MROH9: variants seen among roughly 807,000 people sequenced by gnomAD.
MROH9 encodes the protein maestro heat like repeat family member 9, also known as maestro heat-like repeat-containing protein family member 9.
Under a neutral mutation model 98.2 loss-of-function variants are expected in MROH9, and 92 were observed. That is an observed-to-expected ratio of 0.94 (90% CI 0.79 to 1.11). The LOEUF (loss-of-function observed/expected upper bound fraction) is 1.11. Among genes scored for constraint, MROH9 ranks in the 50% most tolerant of loss-of-function variants. MROH9 has a pLI of 0.00. For missense variants in MROH9, 1,057 were observed against 1,014.8 expected, an observed-to-expected ratio of 1.04 and a Z score of -0.57; for synonymous variants, 397 against 368.9, an observed-to-expected ratio of 1.08 and a Z score of -0.87.
chr1:171,048,106 G>A (rs1402445508), intron 20 of MROH9, among the ~76,000 whole-genome samples: 4 of 152,180 alleles, frequency 2.6e-5, no homozygotes, highest in Non-Finnish European at 5.9e-5. Context: ...GGGTCGACCT[G>A]AAGCCAGTAC....
intron 1 of MROH9, among the ~76,000 whole-genome samples, chr1:170,943,918 A>G (rs1308189372): frequency 6.6e-6 from 1 of 152,080 alleles, no homozygotes; most frequent in Non-Finnish European, 1.5e-5. Flanking sequence ...ATCTGTTTAC[A>G]TGAAGGGCTA....
chr1:170,987,450 C>G lies in MROH9; in HGVS notation c.879+740C>G, dbSNP rs368004876. ...TTCCTTACAACATAGGAAATAATGT[C>G]ATTAAATGTGTAAGCACATGCAGTG... On this transcript the variant is annotated intron_variant, in intron 10 of 21. Coordinates refer to ENST00000367759, the MANE Select transcript of MROH9 (RefSeq NM_001163629.2). 1.5e-4 allele frequency among the ~76,000 whole-genome samples: 23 copies of G among 152,304 alleles called. 1 individual carries two copies. The South Asian group carries it at 4.8e-3, about 32-fold the overall frequency.
chr1:171,064,164 A>G lies in MROH9; in HGVS notation c.2410A>G (p.Ile804Val), dbSNP rs1392540489. 1 of 1,551,170 alleles carries G rather than the reference A, an allele frequency of 6.4e-7. No homozygotes were observed. The highest frequency in any genetic ancestry group is 8.7e-7 in the Non-Finnish European group (1 of 1,146,868). Residue 804 changes from isoleucine to valine, a missense_variant, in exon 22 of 22, where the codon ATT (isoleucine) becomes GTT (valine). Physicochemically the swap from Ile to Val is conservative, Grantham distance 29. Coordinates refer to ENST00000367759, the MANE Select transcript of MROH9 (RefSeq NM_001163629.2). ...IKQLAEITYDIFKKKAHKLTS... is the reference protein window; with the variant it reads ...IKQLAEITYDVFKKKAHKLTS... The stretch of plus-strand genomic sequence containing the variant: ...ACAGTTGGCTGAAATAACCTATGAT[A>G]TTTTTAAGAAAAAAGCCCATAAACT...
At chr1:170,944,112 T>G (rs1649229395) in intron 1 of MROH9, among the ~76,000 whole-genome samples, 1 of 151,930 alleles carries the variant, frequency 6.6e-6, no homozygotes, top group Non-Finnish European at 1.5e-5. Context: ...TAAACACAAA[T>G]GCATAAAGGT....
chr1:171,035,782 G>A (rs1382729944), intron 20 of MROH9, among the ~76,000 whole-genome samples: 1 of 152,124 alleles, frequency 6.6e-6, no homozygotes. Context: ...TGTTGTCAAG[G>A]ATATGGAGCA....
Position 170,990,009 on chromosome 1 carries a change from GC to G in MROH9, c.1028+12del. On this transcript the variant is annotated splice_region_variant and intron_variant, in intron 11 of 21. Coordinates refer to ENST00000367759, the MANE Select transcript of MROH9 (RefSeq NM_001163629.2). ...TACCCAGTTCCAGCAGACGAGTAAG[GC>G]CCCCCAACCCTCTGTCCCTTCCACA... 13 of 1,607,948 alleles carry G rather than the reference GC, an allele frequency of 8.1e-6. No individual in the cohort carries two copies. Among genetic ancestry groups the G allele is most frequent in the African/African-American group, 1.3e-5 (1 of 74,834 alleles).
intron 20 of MROH9, among the ~76,000 whole-genome samples, chr1:171,027,419 G>GTA (rs761143892): frequency 4.0e-4 from 61 of 152,276 alleles, no homozygotes; most frequent in Admixed American, 7.2e-4. Flanking sequence ...ATTCCATGGT[G>GTA]TATATATATC....
At position 171,064,135 on chromosome 1, in the gene MROH9, T is replaced by C. The variant is rs948149665; in HGVS notation, c.2381T>C (p.Ile794Thr). The change falls in exon 22 of 22, where the codon ATC (isoleucine) becomes ACC (threonine). Residue 794 changes from isoleucine to threonine, a missense_variant. By Grantham distance (89) the Ile-to-Thr change is moderately conservative. Transcript: ENST00000367759. ...CTGCTCCGAGATGAAGACCCTATGA[T>C]CAAACAGTTGGCTGAAATAACCTAT... is the stretch of plus-strand genomic sequence containing the variant. Reference protein sequence around the residue: ...ERLLRDEDPMIKQLAEITYDI... With the variant: ...ERLLRDEDPMTKQLAEITYDI... The C allele has an allele frequency of 6.5e-7, 1 of 1,550,258 alleles. No homozygotes were observed. The highest frequency in any genetic ancestry group is 1.4e-5 in the African/African-American group (1 of 72,812).
chr1:170,998,435 G>C (rs372454379), intron 15 of MROH9, 161 bp downstream of exon 15: 3 of 1,584,538 alleles, frequency 1.9e-6, no homozygotes, highest in Non-Finnish European at 2.6e-6. Context: ...GAGGTGTGGA[G>C]TTAGATCTGG....
intron 11 of MROH9, 118 bp from the exon 12 acceptor site, chr1:170,992,046 C>T (rs547805102): frequency 3.0e-6 from 3 of 1,003,804 alleles, no homozygotes; most frequent in African/African-American, 3.3e-5. Context: ...GACATGTCTG[C>T]AGTGTCTTTG....
chr1:170,948,894 T>C (rs969274254), intron 3 of MROH9, among the ~76,000 whole-genome samples: 2 of 152,058 alleles, frequency 1.3e-5, no homozygotes, highest in African/African-American at 4.8e-5. Context: ...TGTAGAATTA[T>C]AGATTTTAGC....
intron 6 of MROH9, among the ~76,000 whole-genome samples, chr1:170,964,424 T>C (rs1474522565): frequency 6.6e-6 from 1 of 152,034 alleles, no homozygotes; most frequent in East Asian, 1.9e-4. Flanking sequence ...TTTTTCACAA[T>C]GGGAGCAAGA....
chr1:171,027,208 C>T (rs1167126992), intron 20 of MROH9, among the ~76,000 whole-genome samples: 1 of 152,052 alleles, frequency 6.6e-6, no homozygotes, highest in Non-Finnish European at 1.5e-5. Flanking sequence ...TCGCCTCAAC[C>T]CCCACCTCCC....
chr1:170,983,227 A>G (rs1571474731), intron 8 of MROH9, among the ~76,000 whole-genome samples, 195 bp from the exon 9 acceptor site: 1 of 152,136 alleles, frequency 6.6e-6, no homozygotes, highest in Non-Finnish European at 1.5e-5. Context: ...TGTCACATGG[A>G]CTCTCTTAAA....
chr1:170,983,582 T>C, intron 9 of MROH9, 48 bp downstream of exon 9: 1 of 1,056,920 alleles, frequency 9.5e-7, no homozygotes, highest in Non-Finnish European at 1.4e-6. Flanking sequence ...ATGTGTATGA[T>C]TACTCTTAGT....
At chr1:170,938,476 A>G (rs924938717) in intron 1 of MROH9, among the ~76,000 whole-genome samples, 2 of 152,192 alleles carry the variant, frequency 1.3e-5, no homozygotes, top group African/African-American at 4.8e-5. Flanking sequence ...CATCTAGCTG[A>G]TGACGTAACT....
chr1:170,959,766 C>T (rs1200467495), intron 5 of MROH9, among the ~76,000 whole-genome samples, 169 bp downstream of exon 5: 1 of 152,116 alleles, frequency 6.6e-6, no homozygotes, highest in Non-Finnish European at 1.5e-5. Context: ...AGTTCTACAA[C>T]CCATGGGATT....
intron 20 of MROH9, among the ~76,000 whole-genome samples, chr1:171,032,546 CA>C (rs1652957453): frequency 6.6e-6 from 1 of 152,046 alleles, no homozygotes; most frequent in African/African-American, 2.4e-5. Flanking sequence ...AGGGCTGCTG[CA>C]GTTTGCTGGG....
chr1:170,983,533 A>G lies in MROH9; in HGVS notation c.728A>G (p.Gln243Arg), dbSNP rs1651013134. 1 of 1,579,644 alleles carries G rather than the reference A, an allele frequency of 6.3e-7. No homozygotes were observed. The highest frequency in any genetic ancestry group is 8.7e-7 in the Non-Finnish European group (1 of 1,149,532). Residue 243 changes from glutamine (Q) to arginine (R), a missense_variant and splice_region_variant, in exon 9 of 22, where the codon CAG becomes CGG. Gln to Arg is a conservative substitution (Grantham distance 43). Transcript: ENST00000367759. ...EFQQDESKIA[Q>R]RVGQTLLPPL... The stretch of plus-strand genomic sequence containing the variant: ...CAACAAGACGAAAGTAAAATAGCTC[A>G]GGTAACTTAGCCCCCACTTTTTCCG...
Sources: gnomAD v4.1 joint callset for allele counts (sites outside exome capture counted in the v4.1 genomes callset) on GRCh38, gnomAD v4.1.1 for gene constraint, MANE v1.5 for transcripts, NCBI Gene and HGNC (gene_info 2026-07-23, HGNC 2026-07-21) for gene names.